Variants in C2CD3 observed in about 807,000 individuals in gnomAD.
The protein encoded by C2CD3 is C2 domain-containing protein 3.
Under a neutral mutation model 234.0 loss-of-function variants are expected in C2CD3, and 148 were observed. That is an observed-to-expected ratio of 0.63 (90% CI 0.55 to 0.72). The LOEUF (loss-of-function observed/expected upper bound fraction) is 0.72. Among genes scored for constraint, C2CD3 ranks in the 30% least tolerant of loss-of-function variants. The pLI, the probability that C2CD3 is intolerant of heterozygous loss-of-function variation, is 0.00. For synonymous variants in C2CD3, 1,000 were observed against 1,035.4 expected, an observed-to-expected ratio of 0.97 and a Z score of 0.66; for missense variants, 2,577 against 2,811.5, an observed-to-expected ratio of 0.92 and a Z score of 1.89.
intron 31 of C2CD3, among the ~76,000 whole-genome samples, chr11:74,029,680 A>G (rs1459623450): frequency 2.0e-5 from 3 of 152,210 alleles, no homozygotes; most frequent in Non-Finnish European, 4.4e-5. Context: ...GAAGCATGGA[A>G]GTCTCTTTCC....
rs145991766 is a variant in C2CD3, at chr11:74,109,145, C to A, written c.1851G>T (p.Lys617Asn). 3.8e-6 allele frequency: 6 copies of A among 1,559,958 alleles called. No homozygotes were observed. The African/African-American group carries it at 8.3e-5, about 22-fold the overall frequency. Residue 617 changes from lysine (K) to asparagine (N), a missense_variant, in exon 12 of 33, where the codon AAG (lysine) becomes AAT (asparagine). Physicochemically the swap from Lys to Asn is moderately conservative, Grantham distance 94 (BLOSUM62 0). Coordinates refer to ENST00000334126, the MANE Select transcript of C2CD3 (RefSeq NM_001286577.2). ...ASSKITDGKV[K>N]FQQRFVFPVQ... Reference sequence around the variant, plus strand: ...CTGGAAACACAAATCGCTGCTGGAACTTCACCTCTGTAAGGAGAACCAGAC... The same window carrying A: ...CTGGAAACACAAATCGCTGCTGGAAATTCACCTCTGTAAGGAGAACCAGAC...
intron 1 of C2CD3, 113 bp downstream of exon 1, chr11:74,170,625 T>C: frequency 7.9e-7 from 1 of 1,270,716 alleles, no homozygotes; most frequent in Non-Finnish European, 1.1e-6. Flanking sequence ...CCCTGGCTAC[T>C]TCCTTCTTAC....
chr11:74,099,678 T>G (rs1027095711), intron 15 of C2CD3, among the ~76,000 whole-genome samples: 1 of 152,060 alleles, frequency 6.6e-6, no homozygotes, highest in African/African-American at 2.4e-5. Context: ...GGGCGGATCA[T>G]GAGGTCAGGA....
At chr11:74,134,423 A>C (rs1287125631) in intron 5 of C2CD3, among the ~76,000 whole-genome samples, 1 of 152,224 alleles carries the variant, frequency 6.6e-6, no homozygotes, top group Non-Finnish European at 1.5e-5. Flanking sequence ...GCTTAAGTCA[A>C]GAAGACTGCT....
At position 74,086,037 on chromosome 11, in the gene C2CD3, T is replaced by C; in HGVS notation, c.3642-151A>G. ...ATCTAGGCTTTTGGCAGTGCCACAA[T>C]GGGCTTTCTTAGTAATCTAGATATC... On this transcript the variant is annotated intron_variant, in intron 20 of 32. Coordinates refer to ENST00000334126, the MANE Select transcript of C2CD3 (RefSeq NM_001286577.2). 3 of 757,716 alleles carry C rather than the reference T, an allele frequency of 4.0e-6. No individual in the cohort carries two copies. The South Asian group carries it at 5.7e-5, about 14-fold the overall frequency. The allele number at this position is 757,716 out of a possible 1,614,324, so 46.9% of individuals were successfully genotyped here.
chr11:74,055,953 A>G (rs1953932242), intron 25 of C2CD3, among the ~76,000 whole-genome samples: 1 of 152,214 alleles, frequency 6.6e-6, no homozygotes, highest in Admixed American at 6.5e-5. Flanking sequence ...TGAATGAACA[A>G]GTCACCTCCA....
At chr11:74,071,302 T>C (rs868463254) in intron 24 of C2CD3, among the ~76,000 whole-genome samples, 3 of 152,242 alleles carry the variant, frequency 2.0e-5, no homozygotes, top group Non-Finnish European at 2.9e-5. Context: ...AAGGCAAGCA[T>C]AGGGTAGACA....
intron 3 of C2CD3, among the ~76,000 whole-genome samples, chr11:74,141,654 A>G (rs1436620334): frequency 2.0e-5 from 3 of 152,118 alleles, no homozygotes; most frequent in African/African-American, 7.2e-5. Flanking sequence ...TTAGTTAAAC[A>G]AATACTTGTT....
chr11:74,130,424 G>C (rs927693794), intron 7 of C2CD3, among the ~76,000 whole-genome samples: 3 of 148,866 alleles, frequency 2.0e-5, no homozygotes, highest in African/African-American at 7.8e-5. Flanking sequence ...GTAGAGATGG[G>C]GGTTTCACTA....
chr11:74,144,842 G>C (rs1458305025), intron 3 of C2CD3, among the ~76,000 whole-genome samples: 1 of 152,056 alleles, frequency 6.6e-6, no homozygotes, highest in Non-Finnish European at 1.5e-5. Context: ...TTTCTTAACG[G>C]TCTACCATTG....
At chr11:74,150,708 A>G (rs1206628057) in intron 3 of C2CD3, among the ~76,000 whole-genome samples, 3 of 151,808 alleles carry the variant, frequency 2.0e-5, no homozygotes, top group African/African-American at 7.3e-5. Flanking sequence ...ATATCATGCC[A>G]TTTCTGTAAA....
intron 7 of C2CD3, chr11:74,129,668 G>A (rs1205169928): frequency 7.0e-5 from 12 of 172,480 alleles, no homozygotes; most frequent in South Asian, 3.5e-4. Flanking sequence ...CTTCCCAGAC[G>A]GGGTGGCGGC....
At chr11:74,091,487 T>G (rs1332838063) in intron 19 of C2CD3, 1 of 152,444 alleles carries the variant, frequency 6.6e-6, no homozygotes, top group Non-Finnish European at 1.5e-5. Flanking sequence ...ACCTATTGTT[T>G]TGGCAGATAC....
In C2CD3 at chr11:74,113,898, A is replaced by G; in HGVS notation, c.1731-6T>C. ...GATATTCTACAAAGAAAGTGCTAAA[A>G]AGAAAAAAAAAGTGATTAAAAACTA... On this transcript the variant is annotated splice_region_variant and splice_polypyrimidine_tract_variant and intron_variant, in intron 10 of 32. Coordinates refer to ENST00000334126, the MANE Select transcript of C2CD3 (RefSeq NM_001286577.2). 6.7e-7 allele frequency: 1 copy of G among 1,487,508 alleles called. No individual in the cohort carries two copies. Among genetic ancestry groups the G allele is most frequent in the Non-Finnish European group, 9.2e-7 (1 of 1,089,168 alleles). The allele number at this position is 1,487,508 out of a possible 1,614,324, so 92.1% of individuals were successfully genotyped here.
chr11:74,168,510 T>C lies in C2CD3; in HGVS notation c.159A>G (p.Ala53=), dbSNP rs1856949722. Residue 53 remains alanine (A), a synonymous_variant, in exon 2 of 33, where the codon GCA becomes GCG. Transcript: ENST00000334126. ...LTVNRVIWKI[A]KPPTCVLVRV... ...GGACAAGTACACAAGTGGGAGGCTT[T>C]GCAATCTTCCATATGACTCTATTAA... 1.5e-5 allele frequency: 24 copies of C among 1,614,062 alleles called. No individual in the cohort carries two copies. Among genetic ancestry groups the C allele is most frequent in the Non-Finnish European group, 1.9e-5 (23 of 1,179,996 alleles).
intron 8 of C2CD3, 35 bp downstream of exon 8, chr11:74,122,953 C>G: frequency 6.4e-7 from 1 of 1,569,778 alleles, no homozygotes; most frequent in African/African-American, 1.4e-5. Context: ...TACATTTGTT[C>G]TCTAATTCTC....
In C2CD3 at chr11:74,138,957, G is replaced by C. The variant is rs72984881; in HGVS notation, c.718C>G (p.His240Asp). The part of the protein sequence containing the change: ...SRSTTPRGKD[H>D]VCFAENPDTI... Reference sequence around the variant, plus strand: ...TCAGGGTTCTCTGCAAAGCATACATGGTCTTTTCCCCTGTTTTTTTAAAAA... The same window carrying C: ...TCAGGGTTCTCTGCAAAGCATACATCGTCTTTTCCCCTGTTTTTTTAAAAA... The change falls in exon 5 of 33, where the codon CAT becomes GAT. Residue 240 changes from histidine to aspartate, a missense_variant. By Grantham distance (81) the His-to-Asp change is moderately conservative. Transcript: ENST00000334126. The C allele has an allele frequency of 0.016, 26,256 of 1,607,050 alleles. 242 individuals are homozygous for C. The highest frequency in any genetic ancestry group is 0.019 in the Non-Finnish European group (22,854 of 1,175,262).
intron 23 of C2CD3, among the ~76,000 whole-genome samples, chr11:74,074,884 C>A (rs1483947759): frequency 6.6e-6 from 1 of 151,958 alleles, no homozygotes; most frequent in Non-Finnish European, 1.5e-5. Flanking sequence ...TCCAGGAGTT[C>A]AAGAGTTTGG....
At chr11:74,069,375 C>T (rs1449940147) in intron 24 of C2CD3, among the ~76,000 whole-genome samples, 11 of 152,172 alleles carry the variant, frequency 7.2e-5, no homozygotes, top group Admixed American at 7.2e-4. Flanking sequence ...CTGCTATACC[C>T]CCCACAGGGT....
Sources: allele counts gnomAD v4.1 joint callset (sites outside exome capture counted in the v4.1 genomes callset), GRCh38; gene constraint gnomAD v4.1.1; transcripts MANE v1.5; gene names NCBI Gene and HGNC (gene_info 2026-07-23, HGNC 2026-07-21).